FLT1: variants seen among roughly 807,000 people sequenced by gnomAD.
The protein encoded by FLT1 is fms related receptor tyrosine kinase 1.
FLT1 carries 49 observed loss-of-function variants against 156.3 expected under a neutral mutation model. The ratio of observed to expected loss-of-function variants is 0.31; its 90% confidence interval spans 0.25 to 0.40. The LOEUF is 0.40. Ranked by LOEUF, FLT1 falls within the 10% of genes least tolerant of loss-of-function variation. The pLI, the probability that FLT1 is intolerant of heterozygous loss-of-function variation, is 1.00. For missense variants in FLT1, 1,322 were observed against 1,637.2 expected (o/e 0.81, Z 3.32); for synonymous variants, 594 against 583.8 (o/e 1.02, Z -0.25).
intron 13 of FLT1, chr13:28,388,464 TTA>T: frequency 9.6e-7 from 1 of 1,042,138 alleles, no homozygotes; most frequent in Non-Finnish European, 1.2e-6. Flanking sequence ...GTTTTTTTTT[TTA>T]AATAGTTTAT....
At chr13:28,378,631 A>G (rs1873947437) in intron 14 of FLT1, among the ~76,000 whole-genome samples, 1 of 152,074 alleles carries the variant, frequency 6.6e-6, no homozygotes, top group African/African-American at 2.4e-5. Flanking sequence ...CTCATCCATT[A>G]GTCTGTAAAA....
intron 25 of FLT1, among the ~76,000 whole-genome samples, chr13:28,313,966 G>A (rs538705608): frequency 2.0e-5 from 3 of 151,532 alleles, no homozygotes; most frequent in South Asian, 2.1e-4. Flanking sequence ...GGAGGCCATG[G>A]TGGGACAATC....
Position 28,306,704 on chromosome 13 carries a change from G to C in FLT1, c.3789C>G (p.Ser1263Arg). ...PMLKRFTWTD[S>R]KPKASLKIDL... ...CAATCTTGAGCGAGGCCTTGGGTTT[G>C]CTGTCAGTCCAGGTGAAGCGCTTCA... The change falls in exon 29 of 30, where the codon AGC (serine) becomes AGG (arginine). Residue 1263 changes from serine to arginine, a missense_variant. By Grantham distance (110) the Ser-to-Arg change is moderately radical. Transcript: ENST00000282397. The C allele has an allele frequency of 6.2e-7, 1 of 1,613,686 alleles. No homozygotes were observed. Among genetic ancestry groups the C allele is most frequent in the Non-Finnish European group, 8.5e-7 (1 of 1,179,594 alleles).
At chr13:28,381,607 T>A (rs1874081921) in intron 14 of FLT1, among the ~76,000 whole-genome samples, 1 of 152,148 alleles carries the variant, frequency 6.6e-6, no homozygotes, top group Admixed American at 6.5e-5. Flanking sequence ...TAGTACAGTT[T>A]ACCAATTTCT....
chr13:28,345,753 A>G, intron 15 of FLT1: 1 of 557,750 alleles, frequency 1.8e-6, no homozygotes, highest in Non-Finnish European at 3.2e-6. Flanking sequence ...AAAAGGCAGT[A>G]TACATGAACT....
chr13:28,474,699 G>A (rs1261308762), intron 1 of FLT1, among the ~76,000 whole-genome samples: 1 of 152,088 alleles, frequency 6.6e-6, no homozygotes, highest in Non-Finnish European at 1.5e-5. Context: ...TCAGTATTGG[G>A]TTTCTTTTGG....
At chr13:28,461,833 C>A (rs1445253469) in intron 3 of FLT1, among the ~76,000 whole-genome samples, 3 of 152,130 alleles carry the variant, frequency 2.0e-5, no homozygotes, top group African/African-American at 7.2e-5. Flanking sequence ...AATGTTTCTA[C>A]CTCAGATTAT....
intron 23 of FLT1, 59 bp from the exon 24 acceptor site, chr13:28,319,593 C>T (rs572343843): frequency 1.4e-4 from 138 of 992,162 alleles, no homozygotes; most frequent in African/African-American, 7.1e-4. Flanking sequence ...ACATTCAACC[C>T]GAGTGTCCAT....
chr13:28,397,501 G>A (rs950000026), intron 11 of FLT1, among the ~76,000 whole-genome samples: 2 of 152,086 alleles, frequency 1.3e-5, no homozygotes, highest in Non-Finnish European at 2.9e-5. Flanking sequence ...CTGCTGTTTG[G>A]TTCTATAACA....
chr13:28,413,768 G>A (rs987140138), intron 10 of FLT1, among the ~76,000 whole-genome samples: 1 of 152,162 alleles, frequency 6.6e-6, no homozygotes, highest in Admixed American at 6.5e-5. Flanking sequence ...TTATTTAGTG[G>A]TCAATACTGA....
In FLT1 at chr13:28,405,034, A is replaced by AG. The variant is rs1290003029; in HGVS notation, c.1551+745_1551+746insC. On this transcript the variant is annotated intron_variant, in intron 11 of 29. Transcript: ENST00000282397. The stretch of plus-strand genomic sequence containing the variant: ...GACTCCATCTCAAAAAAAAAAAAAA[A>AG]AAGAAAAGAAAAGAATCACTATCCC... 1.3e-3 allele frequency among the ~76,000 whole-genome samples: 193 copies of AG among 149,114 alleles called. 1 individual carries two copies. The highest frequency in any genetic ancestry group is 3.5e-3 in the Middle Eastern group (1 of 284).
intron 1 of FLT1, among the ~76,000 whole-genome samples, chr13:28,478,924 A>C (rs1880694704): frequency 6.6e-6 from 1 of 152,236 alleles, no homozygotes; most frequent in South Asian, 2.1e-4. Context: ...TAATGACAGA[A>C]TACCATTTGC....
intron 24 of FLT1, among the ~76,000 whole-genome samples, chr13:28,318,007 G>C (rs1871275429): frequency 1.3e-5 from 2 of 152,028 alleles, no homozygotes; most frequent in Admixed American, 6.6e-5. Context: ...TCACCAGGCT[G>C]GAGTGTGGTG....
At chr13:28,490,194 C>T (rs1174155557) in intron 1 of FLT1, among the ~76,000 whole-genome samples, 1 of 152,168 alleles carries the variant, frequency 6.6e-6, no homozygotes, top group Admixed American at 6.5e-5. Flanking sequence ...CAATGAGGTT[C>T]CATCTAGCTC....
intron 25 of FLT1, among the ~76,000 whole-genome samples, chr13:28,316,409 C>T (rs904663302): frequency 4.1e-4 from 63 of 152,334 alleles, no homozygotes; most frequent in African/African-American, 1.4e-3. Flanking sequence ...AAGGTGGTGC[C>T]GCCTCAGGGA....
intron 25 of FLT1, among the ~76,000 whole-genome samples, chr13:28,317,285 G>A (rs1217940275): frequency 6.6e-6 from 1 of 152,234 alleles, no homozygotes; most frequent in South Asian, 2.1e-4. Flanking sequence ...CAGGAAATAG[G>A]TAGGGATGGG....
intron 3 of FLT1, among the ~76,000 whole-genome samples, chr13:28,454,987 T>C (rs1879180189): frequency 6.6e-6 from 1 of 152,148 alleles, no homozygotes; most frequent in Non-Finnish European, 1.5e-5. Context: ...TACAAAACTA[T>C]GATGAACAAA....
At chr13:28,438,157 A>AGTAAAACTTC (rs1878133831) in intron 4 of FLT1, 64 bp downstream of exon 4, 2 of 1,534,160 alleles carry the variant, frequency 1.3e-6, no homozygotes, top group African/African-American at 2.7e-5. Flanking sequence ...AGATAGAACG[A>AGTAAAACTTC]GTAAAACTTC....
chr13:28,418,675 C>T lies in FLT1; in HGVS notation c.1436+8484G>A, dbSNP rs1307823751. ...ACCTCCCGGGCTCAAGCCTTCCTCC[C>T]GTCTCAGCCTCCTGAGTAGCTGGAA... On this transcript the variant is annotated intron_variant, in intron 10 of 29. Transcript: ENST00000282397. 9.9e-5 allele frequency among the ~76,000 whole-genome samples: 15 copies of T among 152,248 alleles called. 1 individual carries two copies. The highest frequency in any genetic ancestry group is 2.1e-4 in the South Asian group (1 of 4,816).
Sources: gnomAD v4.1 joint callset for allele counts (sites outside exome capture counted in the v4.1 genomes callset) on GRCh38, gnomAD v4.1.1 for gene constraint, MANE v1.5 for transcripts, NCBI Gene and HGNC (gene_info 2026-07-23, HGNC 2026-07-21) for gene names.